The following CPED1 variants were observed in gnomAD, a reference collection of about 807,000 sequenced individuals.
The protein encoded by CPED1 is cadherin like and PC-esterase domain containing 1, also known as cadherin-like and PC-esterase domain-containing protein 1.
In CPED1, 114 loss-of-function variants were observed where a neutral mutation model predicts 128.2. The ratio of observed to expected loss-of-function variants is 0.89; its 90% CI spans 0.76 to 1.04. The LOEUF (loss-of-function observed/expected upper bound fraction) is 1.04, where lower values mean the gene tolerates loss of function less well. Among genes scored for constraint, CPED1 ranks in the 50% least tolerant of loss-of-function variants. The pLI, the probability that CPED1 is intolerant of heterozygous loss-of-function variation, is 0.00. For missense variants in CPED1, 1,211 were observed against 1,207.1 expected, an observed-to-expected ratio of 1.00 and a Z score of -0.05; for synonymous variants, 462 against 426.7, an observed-to-expected ratio of 1.08 and a Z score of -1.02.
At chr7:121,062,366 C>CA (rs1793695034) in intron 4 of CPED1, among the ~76,000 whole-genome samples, 1 of 152,066 alleles carries the variant, frequency 6.6e-6, no homozygotes, top group Non-Finnish European at 1.5e-5. Context: ...AACAAACAAA[C>CA]AAAAAATCTC....
At chr7:121,024,209 T>C (rs568012766) in intron 3 of CPED1, among the ~76,000 whole-genome samples, 10 of 152,294 alleles carry the variant, frequency 6.6e-5, no homozygotes, top group Non-Finnish European at 5.9e-5. Context: ...TATTTAACCT[T>C]AACTCAGTTG....
chr7:120,989,370 GA>G lies in CPED1; in HGVS notation c.-231-20del. 2.1e-6 allele frequency: 1 copy of G among 481,890 alleles called. No individual in the cohort carries two copies. Among genetic ancestry groups the G allele is most frequent in the Non-Finnish European group, 3.8e-6 (1 of 265,890 alleles). 29.9% of individuals were successfully genotyped at this position (481,890 alleles called of 1,614,324 possible). A position where few individuals can be genotyped will look rare whatever the true frequency, so the allele number is the denominator to read the frequency against. On this transcript the variant is annotated intron_variant, in intron 1 of 22. Transcript: ENST00000310396. ...TTATTCGTTACAACTATTATTATTTGATGTCTTTTTTTAAACTCAGGTCATC... is the reference window on the plus strand; with the variant it reads ...TTATTCGTTACAACTATTATTATTTGTGTCTTTTTTTAAACTCAGGTCATC...
At chr7:121,187,621 G>A (rs1424315468) in intron 16 of CPED1, among the ~76,000 whole-genome samples, 1 of 152,052 alleles carries the variant, frequency 6.6e-6, no homozygotes, top group African/African-American at 2.4e-5. Flanking sequence ...GTTTAGCCAA[G>A]AGCAGTAAAC....
At chr7:121,149,918 A>G (rs897465720) in intron 16 of CPED1, among the ~76,000 whole-genome samples, 2 of 152,120 alleles carry the variant, frequency 1.3e-5, no homozygotes, top group Non-Finnish European at 2.9e-5. Context: ...TTGCTCCAAA[A>G]TTTTATCTTT....
At chr7:121,215,073 A>G (rs899792802) in intron 16 of CPED1, among the ~76,000 whole-genome samples, 2 of 152,020 alleles carry the variant, frequency 1.3e-5, no homozygotes, top group East Asian at 3.9e-4. Flanking sequence ...GTGTGCATGT[A>G]GACTGCCGGG....
At chr7:121,266,572 AG>A in intron 19 of CPED1, 125 bp downstream of exon 19, 1 of 1,163,760 alleles carries the variant, frequency 8.6e-7, no homozygotes, top group South Asian at 1.3e-5. Flanking sequence ...CAAGTAAGGC[AG>A]CAGAAAACAA....
At chr7:121,007,967 G>GTTTTC (rs3067977) in intron 2 of CPED1, among the ~76,000 whole-genome samples, 109,309 of 150,604 alleles carry the variant, frequency 0.73, 40,622 homozygotes, top group East Asian at 0.9. Context: ...TACTTTCACT[G>GTTTTC]TTTTCTTTTC....
intron 16 of CPED1, among the ~76,000 whole-genome samples, chr7:121,163,633 A>C: frequency 6.6e-6 from 1 of 152,212 alleles, no homozygotes. Context: ...CATTTAAATC[A>C]CATGTTATTG....
At chr7:121,291,646 A>G (rs1792705063) in intron 22 of CPED1, among the ~76,000 whole-genome samples, 1 of 152,132 alleles carries the variant, frequency 6.6e-6, no homozygotes, top group African/African-American at 2.4e-5. Flanking sequence ...TTGCACATTG[A>G]TCTTGTATCC....
chr7:121,020,210 T>C (rs949873441), intron 3 of CPED1, among the ~76,000 whole-genome samples: 3 of 152,194 alleles, frequency 2.0e-5, no homozygotes, highest in South Asian at 2.1e-4. Context: ...CTCTTGTTTT[T>C]ATAACTTGAG....
chr7:121,233,855 G>A (rs1225592349), intron 16 of CPED1, among the ~76,000 whole-genome samples: 2 of 152,052 alleles, frequency 1.3e-5, no homozygotes, highest in Non-Finnish European at 2.9e-5. Flanking sequence ...AGTAAAAAGT[G>A]TAGAGGTAGC....
chr7:121,028,756 C>T (rs1202310802), intron 3 of CPED1, among the ~76,000 whole-genome samples: 1 of 152,154 alleles, frequency 6.6e-6, no homozygotes, highest in East Asian at 1.9e-4. Flanking sequence ...AGATGCTTTT[C>T]ATTTGCATAA....
chr7:121,063,494 C>G (rs1015432058), intron 4 of CPED1, among the ~76,000 whole-genome samples: 1 of 149,148 alleles, frequency 6.7e-6, no homozygotes, highest in Non-Finnish European at 1.5e-5. Flanking sequence ...TTATTTCTAT[C>G]AAGTCATGCC....
chr7:121,032,737 AC>A (rs981225140), intron 3 of CPED1, among the ~76,000 whole-genome samples: 5 of 152,098 alleles, frequency 3.3e-5, no homozygotes, highest in African/African-American at 1.2e-4. Context: ...GAAAAAAAAA[AC>A]AACACTTCTT....
At chr7:121,111,035 TTGAC>T (rs1430047900) in intron 7 of CPED1, among the ~76,000 whole-genome samples, 1 of 152,090 alleles carries the variant, frequency 6.6e-6, no homozygotes, top group African/African-American at 2.4e-5. Flanking sequence ...GGTGGTGCCA[TTGAC>T]TGAGAGATCA....
chr7:121,155,705 T>A (rs1322469854), intron 16 of CPED1, among the ~76,000 whole-genome samples: 1 of 152,062 alleles, frequency 6.6e-6, no homozygotes, highest in African/African-American at 2.4e-5. Context: ...AAAAATCAAA[T>A]CAAAATGCAA....
At chr7:121,039,605 G>C (rs1312097237) in intron 3 of CPED1, among the ~76,000 whole-genome samples, 1 of 151,992 alleles carries the variant, frequency 6.6e-6, no homozygotes, top group Non-Finnish European at 1.5e-5. Context: ...AGTAATGAGA[G>C]TGTTGTCCCA....
At chr7:121,120,106 A>G (rs1795350081) in intron 7 of CPED1, among the ~76,000 whole-genome samples, 1 of 152,236 alleles carries the variant, frequency 6.6e-6, no homozygotes, top group African/African-American at 2.4e-5. Flanking sequence ...TGCTATTATG[A>G]ACATGGGTGT....
intron 5 of CPED1, among the ~76,000 whole-genome samples, chr7:121,078,373 G>T (rs73215344): frequency 0.079 from 11,954 of 151,714 alleles, 725 homozygotes; most frequent in African/African-American, 0.17. Context: ...AGTGGAGCAT[G>T]ACATTTTCAT....
Sources: allele counts gnomAD v4.1 joint callset (sites outside exome capture counted in the v4.1 genomes callset), GRCh38; gene constraint gnomAD v4.1.1; transcripts MANE v1.5; gene names NCBI Gene and HGNC (gene_info 2026-07-23, HGNC 2026-07-21).